Variants in LINGO2 observed in about 807,000 individuals in gnomAD.
LINGO2 encodes the protein leucine rich repeat and Ig domain containing 2.
In LINGO2, 14 loss-of-function variants were observed where a neutral mutation model predicts 30.6. The observed-to-expected ratio is 0.46, with a 90% confidence interval of 0.30 to 0.72. The LOEUF is 0.72. Among genes scored for constraint, LINGO2 ranks in the 30% least tolerant of loss-of-function variants. LINGO2 has a pLI of 0.07. For missense variants in LINGO2, 729 were observed against 751.7 expected, an observed-to-expected ratio of 0.97 and a Z score of 0.35; for synonymous variants, 317 against 288.5, an observed-to-expected ratio of 1.10 and a Z score of -1.00.
At chr9:28,022,994 T>C (rs901306561) in intron 4 of LINGO2, among the ~76,000 whole-genome samples, 8 of 152,152 alleles carry the variant, frequency 5.3e-5, no homozygotes, top group African/African-American at 1.9e-4. Flanking sequence ...TCATTCTATT[T>C]TTTATTTCTA....
intron 1 of LINGO2, among the ~76,000 whole-genome samples, chr9:28,567,893 C>T (rs1184682452): frequency 1.3e-5 from 2 of 152,036 alleles, no homozygotes; most frequent in Non-Finnish European, 2.9e-5. Flanking sequence ...CTTCCCTCCT[C>T]ATGCAGTTCT....
intron 3 of LINGO2, among the ~76,000 whole-genome samples, chr9:28,343,248 C>A (rs1169241595): frequency 6.6e-6 from 1 of 152,154 alleles, no homozygotes; most frequent in East Asian, 1.9e-4. Context: ...GTTAAACCTA[C>A]ACTTTGCTTA....
intron 4 of LINGO2, among the ~76,000 whole-genome samples, chr9:28,019,450 G>A (rs1336185525): frequency 6.6e-6 from 1 of 151,970 alleles, no homozygotes; most frequent in Admixed American, 6.6e-5. Flanking sequence ...GGTCTTTTAT[G>A]TGACTCTGGG....
chr9:29,005,728 C>T, the LINGO2 span, among the ~76,000 whole-genome samples: 1 of 151,952 alleles, frequency 6.6e-6, no homozygotes, highest in Non-Finnish European at 1.5e-5. Flanking sequence ...TTCACGTATG[C>T]AGGTTTTGCA....
the LINGO2 span, among the ~76,000 whole-genome samples, chr9:29,133,908 A>C: frequency 3.9e-5 from 6 of 152,144 alleles, no homozygotes; most frequent in Non-Finnish European, 7.3e-5. Context: ...CATCTGCTAA[A>C]TGTGTATGGT....
the LINGO2 span, among the ~76,000 whole-genome samples, chr9:28,870,528 A>G: frequency 6.6e-6 from 1 of 152,054 alleles, no homozygotes; most frequent in Non-Finnish European, 1.5e-5. Flanking sequence ...TACTGCTAGT[A>G]TAGTATTTTC....
At chr9:28,533,278 T>C (rs986438469) in intron 1 of LINGO2, among the ~76,000 whole-genome samples, 4 of 152,124 alleles carry the variant, frequency 2.6e-5, no homozygotes, top group Non-Finnish European at 4.4e-5. Flanking sequence ...CCTGGGGCTT[T>C]TGGGCCTTTG....
At chr9:27,977,087 GCTAT>G (rs1472091749) in intron 5 of LINGO2, among the ~76,000 whole-genome samples, 1 of 151,374 alleles carries the variant, frequency 6.6e-6, no homozygotes, top group East Asian at 1.9e-4. Context: ...TTCGTAAGAT[GCTAT>G]CTCTCAATAA....
chr9:28,158,209 T>G (rs981268711), intron 4 of LINGO2, among the ~76,000 whole-genome samples: 1 of 152,068 alleles, frequency 6.6e-6, no homozygotes, highest in Admixed American at 6.5e-5. Flanking sequence ...GAAGAGAGCT[T>G]GCGCAGGGAA....
At chr9:28,110,921 A>G (rs987498314) in intron 4 of LINGO2, among the ~76,000 whole-genome samples, 1 of 152,206 alleles carries the variant, frequency 6.6e-6, no homozygotes, top group Non-Finnish European at 1.5e-5. Context: ...ATTCTACTAT[A>G]AAGATACATG....
the LINGO2 span, among the ~76,000 whole-genome samples, chr9:29,152,693 T>C: frequency 6.6e-6 from 1 of 152,196 alleles, no homozygotes. Context: ...TTGCATACTA[T>C]GCTCACTACC....
chr9:28,725,738 T>C, the LINGO2 span, among the ~76,000 whole-genome samples: 1 of 151,962 alleles, frequency 6.6e-6, no homozygotes, highest in Non-Finnish European at 1.5e-5. Context: ...AAAAAGCTCT[T>C]TAGTTTCAAA....
chr9:29,079,706 C>A, the LINGO2 span, among the ~76,000 whole-genome samples: 2 of 151,586 alleles, frequency 1.3e-5, no homozygotes, highest in Non-Finnish European at 2.9e-5. Context: ...ATATAAGCAA[C>A]GAAAGATATG....
At chr9:28,466,964 T>A (rs767029516) in intron 2 of LINGO2, among the ~76,000 whole-genome samples, 3 of 151,044 alleles carry the variant, frequency 2.0e-5, no homozygotes, top group African/African-American at 2.4e-5. Context: ...ACTCTGCTGA[T>A]GAGATACAAA....
chr9:29,061,055 T>C, the LINGO2 span, among the ~76,000 whole-genome samples: 9 of 151,560 alleles, frequency 5.9e-5, no homozygotes, highest in Non-Finnish European at 1.2e-4. Context: ...CAAAACAAGA[T>C]AAAAGAAACT....
At chr9:27,988,418 T>C (rs551807622) in intron 5 of LINGO2, among the ~76,000 whole-genome samples, 2 of 152,170 alleles carry the variant, frequency 1.3e-5, no homozygotes, top group East Asian at 3.9e-4. Context: ...CCCTGAGGAA[T>C]CACCACACTG....
At chr9:29,030,137 T>C in the LINGO2 span, among the ~76,000 whole-genome samples, 2 of 152,124 alleles carry the variant, frequency 1.3e-5, no homozygotes, top group African/African-American at 2.4e-5. Flanking sequence ...AGTCCTATTT[T>C]AGGATTGCCA....
intron 3 of LINGO2, among the ~76,000 whole-genome samples, chr9:28,351,483 G>C (rs966421627): frequency 6.6e-6 from 1 of 151,360 alleles, no homozygotes; most frequent in African/African-American, 2.4e-5. Context: ...ACCAATAACA[G>C]GAGCTGAAAT....
chr9:28,661,621 T>C (rs933966679), intron 1 of LINGO2, among the ~76,000 whole-genome samples: 17 of 152,204 alleles, frequency 1.1e-4, no homozygotes, highest in African/African-American at 3.9e-4. Flanking sequence ...TGTAAACATA[T>C]TGAAACATGA....
Sources: allele counts gnomAD v4.1 joint callset (sites outside exome capture counted in the v4.1 genomes callset), GRCh38; gene constraint gnomAD v4.1.1; transcripts MANE v1.5; gene names NCBI Gene and HGNC (gene_info 2026-07-23, HGNC 2026-07-21).